Variants in COL6A2 observed in about 807,000 individuals in gnomAD.
COL6A2 encodes collagen alpha-2(VI) chain.
A neutral mutation model predicts 124.9 loss-of-function variants in COL6A2; 90 were observed. The ratio of observed to expected loss-of-function variants is 0.72; its 90% CI spans 0.61 to 0.86. COL6A2 has a LOEUF of 0.86. Among genes scored for constraint, COL6A2 ranks in the 40% least tolerant of loss-of-function variants. COL6A2 has a pLI of 0.00. For missense variants in COL6A2, 1,607 were observed against 1,502.5 expected (o/e 1.07, Z -1.15); for synonymous variants, 793 against 618.2 (o/e 1.28, Z -4.19).
At position 46,116,546 on chromosome 21, in the gene COL6A2, T is replaced by C; in HGVS notation, c.928-105T>C. 1.9e-6 allele frequency: 3 copies of C among 1,580,470 alleles called. No individual in the cohort carries two copies. The highest frequency in any genetic ancestry group is 2.6e-6 in the Non-Finnish European group (3 of 1,153,882). ...GGTGGCTTTGGGGGCTCCTGGGGGGTCCTGTGGCCTTGAGTTTGGCCCAAG... is the reference window on the plus strand; with the variant it reads ...GGTGGCTTTGGGGGCTCCTGGGGGGCCCTGTGGCCTTGAGTTTGGCCCAAG... On this transcript the variant is annotated intron_variant, in intron 8 of 27. Coordinates refer to ENST00000300527, the MANE Select transcript of COL6A2 (RefSeq NM_001849.4). The surrounding 1 kb of genome is among the most constrained non-coding windows in gnomAD (Gnocchi z 4.6).
intron 27 of COL6A2, chr21:46,129,046 C>T: frequency 8.1e-6 from 13 of 1,601,146 alleles, no homozygotes; most frequent in Non-Finnish European, 1.1e-5. Context: ...AAGGCCGAGC[C>T]ACACACCCGC....
intron 1 of COL6A2, among the ~76,000 whole-genome samples, chr21:46,099,455 C>CAAA (rs35690093): frequency 8.7e-5 from 6 of 68,696 alleles, no homozygotes; most frequent in Admixed American, 1.8e-4. Context: ...GAGACTGTCT[C>CAAA]AAAAAAAAAA....
At chr21:46,131,116 C>G (rs535436924) in intron 27 of COL6A2, among the ~76,000 whole-genome samples, 1 of 152,206 alleles carries the variant, frequency 6.6e-6, no homozygotes, top group African/African-American at 2.4e-5. Flanking sequence ...AGCAGACACC[C>G]TTGGGGAAAC....
intron 1 of COL6A2, among the ~76,000 whole-genome samples, chr21:46,109,008 C>T (rs910250497): frequency 6.6e-6 from 1 of 151,966 alleles, no homozygotes; most frequent in Non-Finnish European, 1.5e-5. Flanking sequence ...GTTGTCTTGT[C>T]GGCGGGTTGT....
intron 27 of COL6A2, among the ~76,000 whole-genome samples, chr21:46,128,427 C>G (rs1330569879): frequency 6.6e-6 from 1 of 152,250 alleles, no homozygotes; most frequent in Admixed American, 6.5e-5. Context: ...TTTCACCAGC[C>G]CACACGGCCA....
intron 27 of COL6A2, among the ~76,000 whole-genome samples, chr21:46,128,677 C>T (rs774360607): frequency 6.6e-6 from 1 of 152,226 alleles, no homozygotes; most frequent in South Asian, 2.1e-4. Context: ...CACAGCGTAA[C>T]CTGAGCTCCA....
At chr21:46,106,818 G>C (rs1293921404) in intron 1 of COL6A2, among the ~76,000 whole-genome samples, 3 of 152,152 alleles carry the variant, frequency 2.0e-5, no homozygotes, top group African/African-American at 4.8e-5. Context: ...TCATTTGATA[G>C]CACAAGCTTT....
chr21:46,108,585 CTGT>C (rs930275249), intron 1 of COL6A2, among the ~76,000 whole-genome samples: 4 of 152,058 alleles, frequency 2.6e-5, no homozygotes, highest in African/African-American at 4.8e-5. Flanking sequence ...CCTTGTCTGG[CTGT>C]TGTTGTTTCT....
chr21:46,107,031 C>T lies in COL6A2; in HGVS notation c.-27-4419C>T, dbSNP rs180791132. The stretch of plus-strand genomic sequence containing the variant: ...TAAGATAGTGGGATGATTTCTTATC[C>T]AAAAACAAGGTTTGTCTTTCCAATA... On this transcript the variant is annotated intron_variant, in intron 1 of 27. Coordinates refer to ENST00000300527, the MANE Select transcript of COL6A2 (RefSeq NM_001849.4). 4.1e-3 allele frequency among the ~76,000 whole-genome samples: 623 copies of T among 152,130 alleles called. 4 individuals carry two copies. Among genetic ancestry groups the T allele is most frequent in the South Asian group, 8.3e-3 (40 of 4,806 alleles).
At chr21:46,114,095 C>A in intron 5 of COL6A2, 22 bp downstream of exon 5, 1 of 1,601,420 alleles carries the variant, frequency 6.2e-7, no homozygotes, top group Non-Finnish European at 8.6e-7. Context: ...AGATTACCTG[C>A]AGGGTCTGCG....
At chr21:46,127,201 C>T (rs2078684687) in intron 27 of COL6A2, among the ~76,000 whole-genome samples, 1 of 152,150 alleles carries the variant, frequency 6.6e-6, no homozygotes, top group Non-Finnish European at 1.5e-5. Flanking sequence ...TGAGCCGTCC[C>T]CTCCAGGAGT....
At position 46,118,624 on chromosome 21, in the gene COL6A2, G is replaced by C. The variant is rs760159560; in HGVS notation, c.1127G>C (p.Gly376Ala). ...TGCAAACCCTTCCAGGGGGACCCTGGCCGCCCAGGACGCAGAGGGCCCCCG... is the reference window on the plus strand; with the variant it reads ...TGCAAACCCTTCCAGGGGGACCCTGCCCGCCCAGGACGCAGAGGGCCCCCG... ...RGDQGGKGDP[G>A]RPGRRGPPGE... Residue 376 changes from glycine to alanine, a missense_variant, in exon 13 of 28, where the codon GGC (glycine) becomes GCC (alanine). Transcript: ENST00000300527. The C allele has an allele frequency of 6.2e-7, 1 of 1,612,510 alleles. No individual in the cohort carries two copies. The highest frequency in any genetic ancestry group is 1.1e-5 in the South Asian group (1 of 90,940).
intron 27 of COL6A2, among the ~76,000 whole-genome samples, chr21:46,131,175 G>A (rs953114819): frequency 3.9e-5 from 6 of 152,224 alleles, no homozygotes; most frequent in Admixed American, 2.0e-4. Context: ...GTCTTGGTGA[G>A]GCCACAGGGC....
intron 5 of COL6A2, among the ~76,000 whole-genome samples, chr21:46,114,519 T>C (rs2078446335): frequency 6.6e-6 from 1 of 152,138 alleles, no homozygotes; most frequent in Non-Finnish European, 1.5e-5. Context: ...TAAAACTCTA[T>C]ATGTCTAATT....
chr21:46,112,780 C>G, intron 3 of COL6A2, 24 bp from the exon 4 acceptor site: 3 of 1,613,832 alleles, frequency 1.9e-6, no homozygotes, highest in Non-Finnish European at 2.5e-6. Flanking sequence ...ACACGGCTAA[C>G]CAGCATGTCT....
chr21:46,131,580 A>C (rs1376776456), intron 27 of COL6A2, among the ~76,000 whole-genome samples: 1 of 152,124 alleles, frequency 6.6e-6, no homozygotes, highest in African/African-American at 2.4e-5. Flanking sequence ...TACCTCCCAC[A>C]CTACACAGAC....
At chr21:46,121,233 G>A in intron 17 of COL6A2, 110 bp downstream of exon 17, 1 of 1,084,416 alleles carries the variant, frequency 9.2e-7, no homozygotes, top group Non-Finnish European at 1.4e-6. Flanking sequence ...AACCCAGGCA[G>A]CAGAGCCTGG....
At chr21:46,120,125 C>CCACTGAGGCACCTCTTACCCCCAG in intron 15 of COL6A2, among the ~76,000 whole-genome samples, 1 of 81,370 alleles carries the variant, frequency 1.2e-5, no homozygotes, top group Non-Finnish European at 2.5e-5. Flanking sequence ...ACCCCCCGGC[C>CCACTGAGGCACCTCTTACCCCCAG]CCCACTGAGG....
At chr21:46,119,576 G>A (rs1023457696) in intron 14 of COL6A2, among the ~76,000 whole-genome samples, 5 of 152,242 alleles carry the variant, frequency 3.3e-5, no homozygotes, top group East Asian at 3.8e-4. Flanking sequence ...CGGCATGGGC[G>A]GGACCGACGC....
Sources: gnomAD v4.1 joint callset for allele counts (sites outside exome capture counted in the v4.1 genomes callset) on GRCh38, gnomAD v4.1.1 for gene constraint, Gnocchi (gnomAD v3.1) non-coding constraint, MANE v1.5 for transcripts, NCBI Gene and HGNC (gene_info 2026-07-23, HGNC 2026-07-21) for gene names.